TCP11L1: variants seen among roughly 807,000 people sequenced by gnomAD.
TCP11L1 encodes T-complex protein 11-like protein 1.
A neutral mutation model predicts 48.9 loss-of-function variants in TCP11L1; 28 were observed. The observed-to-expected ratio is 0.57, with a 90% CI of 0.42 to 0.78. TCP11L1 has a LOEUF of 0.78. Among genes scored for constraint, TCP11L1 ranks in the 30% least tolerant of loss-of-function variants. The probability of loss-of-function intolerance (pLI) is 0.00; values close to 1 mark genes in which losing one functional copy is unlikely to be tolerated. For missense variants in TCP11L1, 505 were observed against 613.4 expected, an observed-to-expected ratio of 0.82 and a Z score of 1.87; for synonymous variants, 204 against 231.9, an observed-to-expected ratio of 0.88 and a Z score of 1.09.
chr11:33,068,285 G>A (rs1854677356), intron 8 of TCP11L1, among the ~76,000 whole-genome samples: 1 of 152,136 alleles, frequency 6.6e-6, no homozygotes, highest in Non-Finnish European at 1.5e-5. Flanking sequence ...GGTACAAAAG[G>A]GCATCCAATG....
At chr11:33,066,087 C>T in intron 8 of TCP11L1, 76 bp downstream of exon 8, 2 of 1,563,428 alleles carry the variant, frequency 1.3e-6, no homozygotes, top group East Asian at 2.2e-5. Flanking sequence ...GAGGGGTCTC[C>T]CACTGTAAGG....
At chr11:33,051,784 G>A (rs1854169405) in intron 2 of TCP11L1, among the ~76,000 whole-genome samples, 1 of 152,114 alleles carries the variant, frequency 6.6e-6, no homozygotes, top group South Asian at 2.1e-4. Flanking sequence ...ATATGTGTGT[G>A]TATATTAGTC....
At chr11:33,055,018 G>A (rs1015419447) in intron 3 of TCP11L1, among the ~76,000 whole-genome samples, 3 of 152,190 alleles carry the variant, frequency 2.0e-5, no homozygotes, top group Admixed American at 1.3e-4. Context: ...TGGTTTCATC[G>A]CAAAGGCGAA....
At chr11:33,070,638 T>C (rs1286240404) in intron 9 of TCP11L1, among the ~76,000 whole-genome samples, 1 of 149,676 alleles carries the variant, frequency 6.7e-6, no homozygotes, top group Non-Finnish European at 1.5e-5. Flanking sequence ...TGAGCCGAGA[T>C]TGTGCCATTG....
chr11:33,043,686 A>G, intron 1 of TCP11L1, 64 bp from the exon 2 acceptor site: 2 of 1,401,302 alleles, frequency 1.4e-6, no homozygotes, highest in Middle Eastern at 2.2e-4. Context: ...CCTGAGTCAC[A>G]TTGCTAGTTG....
chr11:33,057,282 GT>G (rs1564981088), intron 4 of TCP11L1, 47 bp downstream of exon 4: 3 of 1,608,848 alleles, frequency 1.9e-6, no homozygotes, highest in Non-Finnish European at 2.5e-6. Flanking sequence ...TGTTAGGAGT[GT>G]TTATTCAACT....
At chr11:33,057,633 A>G (rs911636903) in intron 4 of TCP11L1, among the ~76,000 whole-genome samples, 1 of 152,212 alleles carries the variant, frequency 6.6e-6, no homozygotes, top group Non-Finnish European at 1.5e-5. Context: ...GTCATCAGCT[A>G]TGGTTGGCTC....
At chr11:33,067,069 C>T (rs547887261) in intron 8 of TCP11L1, among the ~76,000 whole-genome samples, 4 of 152,286 alleles carry the variant, frequency 2.6e-5, no homozygotes, top group African/African-American at 9.6e-5. Context: ...GAGAAACCAG[C>T]TATATTCCTG....
chr11:33,044,699 A>G (rs1199767368), intron 2 of TCP11L1, among the ~76,000 whole-genome samples: 1 of 152,206 alleles, frequency 6.6e-6, no homozygotes, highest in Non-Finnish European at 1.5e-5. Flanking sequence ...TTCCCGGGCA[A>G]TTTATTAGTC....
intron 1 of TCP11L1, chr11:33,040,886 GAGTT>G: frequency 6.6e-6 from 1 of 152,284 alleles, no homozygotes; most frequent in African/African-American, 2.4e-5. Flanking sequence ...CTCCCAGGCA[GAGTT>G]AGTTTCTTCC....
In TCP11L1 at chr11:33,072,704, TACTC is replaced by T; in HGVS notation, c.*32_*35del. On this transcript the variant is annotated 3_prime_UTR_variant, in exon 10 of 10. Transcript: ENST00000334274. ...TGTATGCACCCTACAGCAGCAGTATTACTCACTAGCCACAGAATACCTGTTCTGT... is the reference window on the plus strand; with the variant it reads ...TGTATGCACCCTACAGCAGCAGTATTACTAGCCACAGAATACCTGTTCTGT... 1.2e-6 allele frequency: 2 copies of T among 1,612,370 alleles called. No individual in the cohort carries two copies. Among genetic ancestry groups the T allele is most frequent in the Non-Finnish European group, 8.5e-7 (1 of 1,178,548 alleles).
Position 33,073,426 on chromosome 11 carries a change from C to A in TCP11L1, c.*750C>A, listed in dbSNP as rs924569026. On this transcript the variant is annotated 3_prime_UTR_variant, in exon 10 of 10. Transcript: ENST00000334274. ...AAAGGAAAGTCTTTGACTTTCAAGCCTTGAAAGTCAAGGAGGAAATGTATT... is the reference window on the plus strand; with the variant it reads ...AAAGGAAAGTCTTTGACTTTCAAGCATTGAAAGTCAAGGAGGAAATGTATT... The A allele has an allele frequency of 2.0e-5, 3 of 152,004 alleles. No individual in the cohort carries two copies. The highest frequency in any genetic ancestry group is 7.2e-5 in the African/African-American group (3 of 41,386). The allele number at this position is 152,004 out of a possible 1,614,324, so 9.4% of individuals were successfully genotyped here. A position where few individuals can be genotyped will look rare whatever the true frequency, so the allele number is the denominator to read the frequency against.
At chr11:33,072,364 A>G in intron 9 of TCP11L1, 110 bp from the exon 10 acceptor site, 2 of 1,111,558 alleles carry the variant, frequency 1.8e-6, no homozygotes, top group Non-Finnish European at 2.7e-6. Flanking sequence ...GGGAGTATTG[A>G]TCGGGGACAA....
At chr11:33,054,805 C>G (rs1854263364) in intron 3 of TCP11L1, 80 bp downstream of exon 3, 2 of 1,436,336 alleles carry the variant, frequency 1.4e-6, no homozygotes, top group Admixed American at 4.7e-5. Context: ...CAGTTGATAC[C>G]AATATATTCA....
rs773537082 is a variant in TCP11L1 at position 33,061,587 on chromosome 11, A to G, written c.833A>G (p.Gln278Arg). 6.2e-7 allele frequency: 1 copy of G among 1,612,040 alleles called. No individual in the cohort carries two copies. Among genetic ancestry groups the G allele is most frequent in the South Asian group, 1.1e-5 (1 of 90,330 alleles). Residue 278 changes from glutamine (Q) to arginine (R), a missense_variant, in exon 7 of 10, where the codon CAG becomes CGG. Physicochemically the swap from Gln to Arg is conservative, Grantham distance 43. Around this residue, in one of 3 missense-constraint regions of TCP11L1, gnomAD observed 335 missense variants for 413.3 expected, o/e 0.81. Coordinates refer to ENST00000334274, the MANE Select transcript of TCP11L1 (RefSeq NM_018393.4). The stretch of plus-strand genomic sequence containing the variant: ...GAAGCCTCAGAGGACCTTATGACTC[A>G]GAAGTATAAACACGCCCTGCCAGTG... ...LEEASEDLMT[Q>R]KYKHALPVGG... is the part of the protein sequence containing the mutation.
intron 2 of TCP11L1, among the ~76,000 whole-genome samples, chr11:33,051,885 G>A (rs983141991): frequency 6.6e-6 from 1 of 152,160 alleles, no homozygotes; most frequent in Non-Finnish European, 1.5e-5. Context: ...CTTGAAATCA[G>A]TGTCAGTCCT....
At chr11:33,047,307 G>A (rs1188344176) in intron 2 of TCP11L1, among the ~76,000 whole-genome samples, 2 of 152,090 alleles carry the variant, frequency 1.3e-5, no homozygotes, top group African/African-American at 4.8e-5. Flanking sequence ...TATTGGTACT[G>A]ATTTGAGGTG....
At chr11:33,053,222 G>A (rs1854216053) in intron 2 of TCP11L1, among the ~76,000 whole-genome samples, 1 of 145,952 alleles carries the variant, frequency 6.9e-6, no homozygotes, top group African/African-American at 2.6e-5. Context: ...TTCGCTCACT[G>A]CAACCTCTAC....
intron 2 of TCP11L1, among the ~76,000 whole-genome samples, chr11:33,049,564 G>A (rs545154432): frequency 6.6e-6 from 1 of 152,216 alleles, no homozygotes; most frequent in Admixed American, 6.5e-5. Context: ...TGGGGAGAGG[G>A]TCAGCAGGAA....
Sources: gnomAD v4.1 joint callset for allele counts (sites outside exome capture counted in the v4.1 genomes callset) on GRCh38, gnomAD v4.1.1 for gene constraint, gnomAD v4.1.1 regional missense constraint, MANE v1.5 for transcripts, NCBI Gene and HGNC (gene_info 2026-07-23, HGNC 2026-07-21) for gene names.